The following ITSN1 variants were observed in gnomAD, a reference collection of about 807,000 sequenced individuals.
The protein encoded by ITSN1 is intersectin 1, also known as intersectin-1.
Under a neutral mutation model 239.8 loss-of-function variants are expected in ITSN1, and 58 were observed. That is an observed-to-expected ratio of 0.24 (90% CI 0.20 to 0.30). ITSN1 has a LOEUF of 0.30. Among genes scored for constraint, ITSN1 ranks in the 10% least tolerant of loss-of-function variants. The probability of loss-of-function intolerance (pLI) is 1.00; values close to 1 mark genes in which losing one functional copy is unlikely to be tolerated. For synonymous variants in ITSN1, 780 were observed against 770.8 expected, an observed-to-expected ratio of 1.01 and a Z score of -0.20; for missense variants, 1,558 against 2,103.3, an observed-to-expected ratio of 0.74 and a Z score of 5.07.
At chr21:33,872,110 T>G (rs553134177) in intron 33 of ITSN1, among the ~76,000 whole-genome samples, 2 of 152,304 alleles carry the variant, frequency 1.3e-5, no homozygotes, top group African/African-American at 4.8e-5. Flanking sequence ...TACTTTGATT[T>G]TGGCTTGCCA....
chr21:33,776,747 C>A (rs2069660547), intron 14 of ITSN1, among the ~76,000 whole-genome samples: 1 of 150,936 alleles, frequency 6.6e-6, no homozygotes, highest in Non-Finnish European at 1.5e-5. Context: ...AATCTTTTGC[C>A]CATTTTTTAT....
At chr21:33,666,038 C>T (rs141578321) in intron 1 of ITSN1, among the ~76,000 whole-genome samples, 133 of 151,888 alleles carry the variant, frequency 8.8e-4, no homozygotes, top group Middle Eastern at 3.4e-3. Flanking sequence ...AAGCTATTCT[C>T]GTGCCTGAGC....
intron 38 of ITSN1, 83 bp downstream of exon 38, chr21:33,885,605 T>C: frequency 1.0e-6 from 1 of 998,132 alleles, no homozygotes. Flanking sequence ...TGGCTCTAGA[T>C]CAAATGTGCT....
intron 36 of ITSN1, 57 bp downstream of exon 36, chr21:33,883,728 CA>C: frequency 6.3e-7 from 1 of 1,587,854 alleles, no homozygotes; most frequent in South Asian, 1.1e-5. Flanking sequence ...CTAGGACACA[CA>C]AGGGGCGGGT....
Position 33,843,176 on chromosome 21 carries a change from C to T in ITSN1, c.3661+6544C>T, listed in dbSNP as rs1047378107. ...GTTCTCAAGTCAGCTTTTCAAATTCCGACAAGTCCTCGTTCTAGGCGTACC... is the reference window on the plus strand; with the variant it reads ...GTTCTCAAGTCAGCTTTTCAAATTCTGACAAGTCCTCGTTCTAGGCGTACC... On this transcript the variant is annotated intron_variant, in intron 29 of 39. Coordinates refer to ENST00000381318, the MANE Select transcript of ITSN1 (RefSeq NM_003024.3). 7.9e-5 allele frequency among the ~76,000 whole-genome samples: 12 copies of T among 152,296 alleles called. No homozygotes were observed. In the South Asian group the frequency reaches 8.3e-4, roughly 11 times the overall value.
chr21:33,814,804 G>A (rs1201645963), intron 22 of ITSN1, among the ~76,000 whole-genome samples: 1 of 152,132 alleles, frequency 6.6e-6, no homozygotes, highest in Non-Finnish European at 1.5e-5. Context: ...GGGGCTGTTG[G>A]TGTCACCCAG....
chr21:33,756,500 A>C (rs1197945421), intron 8 of ITSN1, among the ~76,000 whole-genome samples: 2 of 152,108 alleles, frequency 1.3e-5, no homozygotes, highest in East Asian at 3.8e-4. Context: ...AATGATTCTT[A>C]CTATTTTTTC....
intron 14 of ITSN1, among the ~76,000 whole-genome samples, chr21:33,778,911 T>C (rs1390982856): frequency 1.3e-5 from 2 of 152,184 alleles, no homozygotes; most frequent in Non-Finnish European, 2.9e-5. Context: ...AAGTCTGTAG[T>C]ATCTGTAGTG....
intron 4 of ITSN1, among the ~76,000 whole-genome samples, chr21:33,725,562 C>G (rs1018099285): frequency 7.2e-5 from 11 of 152,176 alleles, no homozygotes; most frequent in African/African-American, 2.4e-4. Context: ...ATTGTGCCTT[C>G]TAGCGTGGGT....
At chr21:33,822,739 T>C (rs1467985311) in intron 24 of ITSN1, among the ~76,000 whole-genome samples, 1 of 152,244 alleles carries the variant, frequency 6.6e-6, no homozygotes, top group Non-Finnish European at 1.5e-5. Flanking sequence ...TAAAATGTGA[T>C]AAACTGTGAT....
At chr21:33,819,441 A>G (rs1459291850) in intron 24 of ITSN1, 118 bp downstream of exon 24, 1 of 620,232 alleles carries the variant, frequency 1.6e-6, no homozygotes, top group East Asian at 2.8e-5. Flanking sequence ...ATATTAAACT[A>G]CAGTAAAATG....
intron 29 of ITSN1, among the ~76,000 whole-genome samples, chr21:33,840,686 TG>T (rs760087814): frequency 8.6e-5 from 13 of 151,458 alleles, no homozygotes; most frequent in Non-Finnish European, 1.3e-4. Context: ...TTAGTAGAGA[TG>T]GGGTTTCACC....
chr21:33,707,349 C>T (rs2092284045), intron 1 of ITSN1, among the ~76,000 whole-genome samples: 1 of 152,032 alleles, frequency 6.6e-6, no homozygotes, highest in Non-Finnish European at 1.5e-5. Flanking sequence ...TAGTCTTGAA[C>T]TCCTGGCCTA....
At chr21:33,835,025 A>T (rs2148399732) in intron 28 of ITSN1, among the ~76,000 whole-genome samples, 1 of 152,296 alleles carries the variant, frequency 6.6e-6, no homozygotes, top group African/African-American at 2.4e-5. Context: ...CTTCAGCAAG[A>T]TCTGAGAGAG....
chr21:33,644,455 G>A (rs948547909), intron 1 of ITSN1, among the ~76,000 whole-genome samples: 5 of 151,990 alleles, frequency 3.3e-5, no homozygotes, highest in African/African-American at 1.2e-4. Flanking sequence ...CTTTATCTAG[G>A]AATGCTTCTG....
At chr21:33,851,724 T>C (rs897325076) in intron 29 of ITSN1, among the ~76,000 whole-genome samples, 1 of 149,276 alleles carries the variant, frequency 6.7e-6, no homozygotes, top group Non-Finnish European at 1.5e-5. Flanking sequence ...ATGCTTGCTA[T>C]TTTAATTTCT....
In ITSN1 at chr21:33,853,157, C is replaced by T. The variant is rs139905709; in HGVS notation, c.3662-3579C>T. 4.5e-3 allele frequency among the ~76,000 whole-genome samples: 684 copies of T among 152,294 alleles called. 7 individuals carry two copies. The highest frequency in any genetic ancestry group is 0.015 in the African/African-American group (631 of 41,566). On this transcript the variant is annotated intron_variant, in intron 29 of 39. Transcript: ENST00000381318. ...TGGCACATAATGTAAAGAAGACTCT[C>T]CCCACAAAACTTTTGCTTTTCATTG...
At chr21:33,850,379 G>A (rs968174136) in intron 29 of ITSN1, among the ~76,000 whole-genome samples, 1 of 152,166 alleles carries the variant, frequency 6.6e-6, no homozygotes, top group African/African-American at 2.4e-5. Flanking sequence ...GGTGCCTTTG[G>A]GGGCATTCCT....
chr21:33,890,420 C>A lies in ITSN1; in HGVS notation c.*2120C>A, dbSNP rs188069771. The A allele has an allele frequency of 1.2e-4, 18 of 152,246 alleles. No individual in the cohort carries two copies. The highest frequency in any genetic ancestry group is 4.1e-4 in the African/African-American group (17 of 41,540). 9.4% of individuals were successfully genotyped at this position (152,246 alleles called of 1,614,324 possible). A position where few individuals can be genotyped will look rare whatever the true frequency, so the allele number is the denominator to read the frequency against. The stretch of plus-strand genomic sequence containing the variant: ...CAATGACAAACAATCGTTTTAGGTC[C>A]CAGGTCACCCACTCATAGTGTCCTA... On this transcript the variant is annotated 3_prime_UTR_variant, in exon 40 of 40. Coordinates refer to ENST00000381318, the MANE Select transcript of ITSN1 (RefSeq NM_003024.3).
Sources: gnomAD v4.1 joint callset for allele counts (sites outside exome capture counted in the v4.1 genomes callset) on GRCh38, gnomAD v4.1.1 for gene constraint, MANE v1.5 for transcripts, NCBI Gene and HGNC (gene_info 2026-07-23, HGNC 2026-07-21) for gene names.